The following PLCB1 variants were observed in gnomAD, a reference collection of about 807,000 sequenced individuals.
The protein encoded by PLCB1 is 1-phosphatidylinositol 4,5-bisphosphate phosphodiesterase beta-1.
A neutral mutation model predicts 161.8 loss-of-function variants in PLCB1; 46 were observed. The ratio of observed to expected loss-of-function variants is 0.28; its 90% CI spans 0.22 to 0.36. The LOEUF is 0.36. PLCB1 is among the 10% of genes least tolerant of loss of function. The pLI, the probability that PLCB1 is intolerant of heterozygous loss-of-function variation, is 1.00. For synonymous variants in PLCB1, 517 were observed against 503.7 expected (o/e 1.03, Z -0.35); for missense variants, 1,016 against 1,472.5 (o/e 0.69, Z 5.07).
At chr20:8,543,424 T>G (rs2423374) in intron 3 of PLCB1, among the ~76,000 whole-genome samples, 45,277 of 151,380 alleles carry the variant, frequency 0.3, 7,171 homozygotes, top group Non-Finnish European at 0.33. Flanking sequence ...GTTAGAGAGG[T>G]AGAAAACAGA....
intron 31 of PLCB1, chr20:8,802,195 C>T (rs749770279): frequency 3.8e-6 from 5 of 1,322,660 alleles, no homozygotes; most frequent in Non-Finnish European, 4.4e-6. Flanking sequence ...TGGGAGGGGT[C>T]GCTTTTGAGA....
At chr20:8,401,578 A>G (rs1269973338) in intron 3 of PLCB1, among the ~76,000 whole-genome samples, 1 of 152,200 alleles carries the variant, frequency 6.6e-6, no homozygotes, top group African/African-American at 2.4e-5. Context: ...TGTCAGTGGA[A>G]TAACACATCA....
At chr20:8,665,481 T>G (rs1008741338) in intron 9 of PLCB1, among the ~76,000 whole-genome samples, 10 of 152,206 alleles carry the variant, frequency 6.6e-5, no homozygotes, top group Non-Finnish European at 1.3e-4. Context: ...CTAACAGCCT[T>G]ATTTAATGTA....
At chr20:8,515,468 T>C (rs1049814974) in intron 3 of PLCB1, among the ~76,000 whole-genome samples, 6 of 152,190 alleles carry the variant, frequency 3.9e-5, no homozygotes, top group African/African-American at 1.4e-4. Context: ...GTATGCAGGC[T>C]TTTCTATGAG....
At position 8,632,035 on chromosome 20, in the gene PLCB1, CTTTTTTTTTTTTTTTTTTTT is replaced by C. The variant is rs34028351; in HGVS notation, c.384+3617_384+3636del. 2.2e-4 allele frequency among the ~76,000 whole-genome samples: 10 copies of C among 45,994 alleles called. 1 individual carries two copies. Among genetic ancestry groups the C allele is most frequent in the African/African-American group, 6.0e-4 (6 of 10,024 alleles). The allele number at this position is 45,994 out of a possible 152,430, so 30.2% of individuals were successfully genotyped here. A position where few individuals can be genotyped will look rare whatever the true frequency, so the allele number is the denominator to read the frequency against. On this transcript the variant is annotated intron_variant, in intron 4 of 31. Transcript: ENST00000338037. ...AGGAGACAAATATGGGTTTTTTTTG[CTTTTTTTTTTTTTTTTTTTT>C]TTTTTTTTTTTTGCCTGCTGAAAAA... is the stretch of plus-strand genomic sequence containing the variant.
At chr20:8,765,084 C>T in intron 25 of PLCB1, 55 bp from the exon 26 acceptor site, 3 of 1,382,082 alleles carry the variant, frequency 2.2e-6, no homozygotes, top group Non-Finnish European at 3.0e-6. Flanking sequence ...GCTCTTCTTT[C>T]CATCTGGATG....
At chr20:8,819,711 T>C (rs907739060) in intron 31 of PLCB1, among the ~76,000 whole-genome samples, 4 of 152,158 alleles carry the variant, frequency 2.6e-5, no homozygotes, top group Admixed American at 6.5e-5. Flanking sequence ...CACAAAATGG[T>C]GTAGATAGTC....
chr20:8,342,734 C>G (rs1015999620), intron 2 of PLCB1, among the ~76,000 whole-genome samples: 3 of 152,162 alleles, frequency 2.0e-5, no homozygotes, highest in Admixed American at 6.6e-5. Flanking sequence ...TCACGGCACC[C>G]TTGTCTGCTG....
intron 31 of PLCB1, among the ~76,000 whole-genome samples, chr20:8,847,175 C>T (rs1986718095): frequency 6.6e-6 from 1 of 151,916 alleles, no homozygotes; most frequent in South Asian, 2.1e-4. Context: ...AAGATTCTCA[C>T]ACACCATCCT....
intron 3 of PLCB1, among the ~76,000 whole-genome samples, chr20:8,583,112 C>T (rs1439503235): frequency 6.6e-6 from 1 of 152,030 alleles, no homozygotes. Context: ...AACACAAATA[C>T]TGTTTGATTC....
intron 2 of PLCB1, among the ~76,000 whole-genome samples, chr20:8,245,768 A>T (rs757036185): frequency 2.6e-5 from 4 of 151,930 alleles, no homozygotes; most frequent in African/African-American, 4.8e-5. Context: ...TTAACAATCA[A>T]ATTTGTTTGT....
At chr20:8,592,525 T>C (rs1987181695) in intron 3 of PLCB1, among the ~76,000 whole-genome samples, 1 of 152,200 alleles carries the variant, frequency 6.6e-6, no homozygotes, top group African/African-American at 2.4e-5. Context: ...TTCTGGGCAA[T>C]GCTTACAGGA....
chr20:8,193,281 C>T (rs554428251), intron 2 of PLCB1, among the ~76,000 whole-genome samples: 25 of 151,914 alleles, frequency 1.6e-4, no homozygotes, highest in East Asian at 1.6e-3. Context: ...ATGTATCTTA[C>T]GGAATTACTT....
At chr20:8,880,753 C>G (rs1207236734) in intron 31 of PLCB1, 2 of 144,892 alleles carry the variant, frequency 1.4e-5, no homozygotes, top group African/African-American at 5.8e-5. Context: ...GCTCACCTAT[C>G]AATATTTCTC....
intron 6 of PLCB1, among the ~76,000 whole-genome samples, chr20:8,648,884 T>G (rs1989236139): frequency 6.7e-6 from 1 of 149,578 alleles, no homozygotes; most frequent in South Asian, 2.1e-4. Flanking sequence ...GAGACTGCAG[T>G]AAGCTGGGAT....
intron 3 of PLCB1, among the ~76,000 whole-genome samples, chr20:8,478,658 A>G (rs1009784411): frequency 2.6e-5 from 4 of 152,192 alleles, no homozygotes; most frequent in Non-Finnish European, 5.9e-5. Flanking sequence ...TATTCTAATT[A>G]AGGAAGGTAG....
intron 2 of PLCB1, among the ~76,000 whole-genome samples, chr20:8,189,294 G>T (rs2051940210): frequency 6.7e-6 from 1 of 150,038 alleles, no homozygotes; most frequent in East Asian, 1.9e-4. Flanking sequence ...TAGTGGATAT[G>T]ATAATTTGTT....
chr20:8,859,131 G>A (rs1466851980), intron 31 of PLCB1, among the ~76,000 whole-genome samples: 1 of 152,140 alleles, frequency 6.6e-6, no homozygotes, highest in Admixed American at 6.6e-5. Context: ...TTTGGAAGTA[G>A]GGACTGATTC....
chr20:8,255,240 A>G (rs1283627125), intron 2 of PLCB1, among the ~76,000 whole-genome samples: 1 of 152,120 alleles, frequency 6.6e-6, no homozygotes, highest in Non-Finnish European at 1.5e-5. Context: ...ATAGAACATA[A>G]CAGAATATAC....
Sources: gnomAD v4.1 joint callset for allele counts (sites outside exome capture counted in the v4.1 genomes callset) on GRCh38, gnomAD v4.1.1 for gene constraint, MANE v1.5 for transcripts, NCBI Gene and HGNC (gene_info 2026-07-23, HGNC 2026-07-21) for gene names.